SEMA4B: variants seen among roughly 807,000 people sequenced by gnomAD.
SEMA4B encodes semaphorin-4B.
In SEMA4B, 55 loss-of-function variants were observed where a neutral mutation model predicts 88.1. The ratio of observed to expected loss-of-function variants is 0.62; its 90% confidence interval spans 0.50 to 0.78. SEMA4B has a LOEUF of 0.78. Ranked by LOEUF, SEMA4B falls within the 30% of genes least tolerant of loss-of-function variation. SEMA4B has a pLI of 0.00. For missense variants in SEMA4B, 1,062 were observed against 1,111.9 expected, an observed-to-expected ratio of 0.96 and a Z score of 0.64; for synonymous variants, 525 against 473.6, an observed-to-expected ratio of 1.11 and a Z score of -1.41.
chr15:90,206,997 A>C, intron 1 of SEMA4B: 1 of 479,054 alleles, frequency 2.1e-6, no homozygotes, highest in Non-Finnish European at 3.8e-6. Context: ...CAAAAAAAAC[A>C]AAAAAAGCCT....
At chr15:90,224,616 A>G (rs1346622030) in intron 9 of SEMA4B, among the ~76,000 whole-genome samples, 2 of 152,188 alleles carry the variant, frequency 1.3e-5, no homozygotes, top group African/African-American at 2.4e-5. Flanking sequence ...AGAACTGCCG[A>G]CTGCACTGGG....
rs376969658 is a variant in SEMA4B, at chr15:90,225,027, C to T, written c.1254C>T (p.Arg418=). The T allele has an allele frequency of 2.4e-5, 38 of 1,613,944 alleles. No homozygotes were observed. In the African/African-American group the frequency reaches 2.9e-4, roughly 12 times the overall value. Residue 418 remains arginine (R), a synonymous_variant, in exon 10 of 14, where the codon CGC becomes CGT. Transcript: ENST00000411539. ...KINSSLQLPD[R]VLNFLKDHFL... The stretch of plus-strand genomic sequence containing the variant: ...ACTCATCCCTGCAGCTCCCAGACCG[C>T]GTGCTGAACTTCCTCAAGGACCACT...
At chr15:90,195,340 C>T (rs1960466750) in intron 1 of SEMA4B, among the ~76,000 whole-genome samples, 2 of 152,044 alleles carry the variant, frequency 1.3e-5, no homozygotes, top group Admixed American at 1.3e-4. Context: ...GATCCACCTG[C>T]CTTGGCCTCC....
rs143609113 is a variant in SEMA4B, at chr15:90,228,935, C to A, written c.*292C>A. On this transcript the variant is annotated 3_prime_UTR_variant, in exon 14 of 14. Transcript: ENST00000411539. Reference sequence around the variant, plus strand: ...GAGCCCTTTGTTTAAAAAACAATTCCAAATGTGAAACTAGAATGAGAGGGA... The same window carrying A: ...GAGCCCTTTGTTTAAAAAACAATTCAAAATGTGAAACTAGAATGAGAGGGA... 1.4e-3 allele frequency: 701 copies of A among 516,316 alleles called. 1 individual carries two copies. Among genetic ancestry groups the A allele is most frequent in the African/African-American group, 0.013 (660 of 51,938 alleles). The allele number at this position is 516,316 out of a possible 1,614,324, so 32.0% of individuals were successfully genotyped here.
At chr15:90,198,731 T>C (rs1309678826), upstream of SEMA4B, among the ~76,000 whole-genome samples, 4 of 151,888 alleles carry the variant, frequency 2.6e-5, no homozygotes, top group African/African-American at 9.7e-5. Context: ...AGGGGAAAAG[T>C]AGTAGAGGAT....
Position 90,223,709 on chromosome 15 carries a change from A to G in SEMA4B, c.1012A>G (p.Thr338Ala). 6.2e-7 allele frequency: 1 copy of G among 1,610,716 alleles called. No homozygotes were observed. The highest frequency in any genetic ancestry group is 8.5e-7 in the Non-Finnish European group (1 of 1,177,844). ...LSPSPQDWRD[T>A]LFYGVFTSQW... ...CCCCAGCCCCCAGGACTGGCGTGAC[A>G]CCCTTTTCTATGGGGTCTTCACTTC... Residue 338 changes from threonine (T) to alanine (A), a missense_variant, in exon 8 of 14, where the codon ACC becomes GCC. Thr to Ala is a moderately conservative substitution (Grantham distance 58). Coordinates refer to ENST00000411539, the MANE Select transcript of SEMA4B (RefSeq NM_198925.4).
At chr15:90,206,986 AC>A (rs201664408) in intron 1 of SEMA4B, 1 of 471,556 alleles carries the variant, frequency 2.1e-6, no homozygotes, top group Non-Finnish European at 3.7e-6. Flanking sequence ...TCTTTGGCTC[AC>A]AAAAAAAACA....
intron 1 of SEMA4B, chr15:90,214,991 A>G (rs1261767987): frequency 7.9e-7 from 1 of 1,273,092 alleles, no homozygotes; most frequent in Non-Finnish European, 1.0e-6. Flanking sequence ...TCATCTTCAC[A>G]GCTGCTTGAT....
intron 7 of SEMA4B, among the ~76,000 whole-genome samples, chr15:90,222,877 AG>A (rs1367687137): frequency 0.076 from 5,009 of 66,264 alleles, 261 homozygotes; most frequent in African/African-American, 0.24. Flanking sequence ...CCCCAGCACA[AG>A]AAGGAGTCAC....
chr15:90,206,413 C>G (rs547724819), intron 1 of SEMA4B, among the ~76,000 whole-genome samples: 1 of 152,340 alleles, frequency 6.6e-6, no homozygotes, highest in African/African-American at 2.4e-5. Flanking sequence ...TCTTCACATT[C>G]TGACCTCCCT....
chr15:90,198,685 T>C (rs934022402), upstream of SEMA4B, among the ~76,000 whole-genome samples: 2 of 152,016 alleles, frequency 1.3e-5, no homozygotes, highest in African/African-American at 4.8e-5. Flanking sequence ...CCCTGCTGGT[T>C]CGGGCTACTA....
rs759407839 is a variant in SEMA4B, at chr15:90,221,785, A to G, written c.861+20A>G. 2 of 1,611,572 alleles carry G rather than the reference A, an allele frequency of 1.2e-6. No individual in the cohort carries two copies. The highest frequency in any genetic ancestry group is 2.2e-5 in the South Asian group (2 of 90,774). ...TGCAAGGTGAGGGGAACGGGCTGAC[A>G]GGGTGGCCACCCCAGGGACCTCAAA... On this transcript the variant is annotated intron_variant, in intron 7 of 13. Transcript: ENST00000411539.
intron 1 of SEMA4B, among the ~76,000 whole-genome samples, chr15:90,205,445 G>GT (rs1235301794): frequency 6.6e-6 from 1 of 152,228 alleles, no homozygotes; most frequent in Non-Finnish European, 1.5e-5. Flanking sequence ...CTCTAACTGC[G>GT]GATGCTCAGA....
At chr15:90,219,268 G>A (rs1423036563) in intron 3 of SEMA4B, 3 of 152,156 alleles carry the variant, frequency 2.0e-5, no homozygotes, top group Admixed American at 2.0e-4. Context: ...GGGCCTCAGC[G>A]ACTGAAAAGA....
chr15:90,217,782 G>A lies in SEMA4B; in HGVS notation c.337G>A (p.Asp113Asn), dbSNP rs767072654. ...CATTCCCCAGCTGCTTTGGGGTGCAGACGCAGAGAAGAAACAGCAGTGCAG... is the reference window on the plus strand; with the variant it reads ...CATTCCCCAGCTGCTTTGGGGTGCAAACGCAGAGAAGAAACAGCAGTGCAG... The part of the protein sequence containing the change: ...GEYQELLWGA[D>N]AEKKQQCSFK... The change falls in exon 3 of 14, where the codon GAC becomes AAC. Residue 113 changes from aspartate (D) to asparagine (N), a missense_variant. Physicochemically the swap from Asp to Asn is conservative, Grantham distance 23. Transcript: ENST00000411539. 5.6e-6 allele frequency: 9 copies of A among 1,613,600 alleles called. No individual in the cohort carries two copies. The highest frequency in any genetic ancestry group is 1.7e-5 in the Admixed American group (1 of 59,960).
rs1724778807 is a variant in SEMA4B at position 90,217,944 on chromosome 15, C to T, written c.384+115C>T. 9 of 849,770 alleles carry T rather than the reference C, an allele frequency of 1.1e-5. 2 individuals carry two copies. The South Asian group carries it at 1.4e-4, about 13-fold the overall frequency. The allele number at this position is 849,770 out of a possible 1,614,324, so 52.6% of individuals were successfully genotyped here. A position where few individuals can be genotyped will look rare whatever the true frequency, so the allele number is the denominator to read the frequency against. ...ATACAGCCAGGTATGGTGGGAAGGGCATAAGCTTCTGAGATTACCCGGCCT... is the reference window on the plus strand; with the variant it reads ...ATACAGCCAGGTATGGTGGGAAGGGTATAAGCTTCTGAGATTACCCGGCCT... On this transcript the variant is annotated intron_variant, in intron 3 of 13. Coordinates refer to ENST00000411539, the MANE Select transcript of SEMA4B (RefSeq NM_198925.4).
rs765839638 is a variant in SEMA4B at position 90,219,778 on chromosome 15, G to T, written c.385-15G>T. 4 of 1,607,048 alleles carry T rather than the reference G, an allele frequency of 2.5e-6. No individual in the cohort carries two copies. Among genetic ancestry groups the T allele is most frequent in the African/African-American group, 2.7e-5 (2 of 74,784 alleles). ...TTGGGCGTGGGACTGATATCCCCTCGCTCCTTCCCCCCAGCGCGACTGTCA... is the reference window on the plus strand; with the variant it reads ...TTGGGCGTGGGACTGATATCCCCTCTCTCCTTCCCCCCAGCGCGACTGTCA... On this transcript the variant is annotated splice_polypyrimidine_tract_variant and intron_variant, in intron 3 of 13. Coordinates refer to ENST00000411539, the MANE Select transcript of SEMA4B (RefSeq NM_198925.4).
chr15:90,202,859 C>T (rs1165638245), intron 1 of SEMA4B, among the ~76,000 whole-genome samples: 1 of 152,186 alleles, frequency 6.6e-6, no homozygotes, highest in East Asian at 1.9e-4. Context: ...ATCCTGTTTA[C>T]AAAGGGAAAT....
chr15:90,186,108 A>G (rs1018766014), intron 1 of SEMA4B, among the ~76,000 whole-genome samples: 1 of 151,484 alleles, frequency 6.6e-6, no homozygotes, highest in Non-Finnish European at 1.5e-5. Flanking sequence ...TAATTTTTGT[A>G]TTTTTAGTAG....
Sources: gnomAD v4.1 joint callset for allele counts (sites outside exome capture counted in the v4.1 genomes callset) on GRCh38, gnomAD v4.1.1 for gene constraint, MANE v1.5 for transcripts, NCBI Gene and HGNC (gene_info 2026-07-23, HGNC 2026-07-21) for gene names.